The following KIAA0930 variants were observed in gnomAD, a reference collection of about 807,000 sequenced individuals.
KIAA0930 encodes uncharacterized protein KIAA0930.
KIAA0930 carries 24 observed loss-of-function variants against 43.9 expected under a neutral mutation model. The observed-to-expected ratio is 0.55, with a 90% CI of 0.40 to 0.77. The LOEUF is 0.77. KIAA0930 is among the 30% of genes least tolerant of loss of function. The pLI is 0.00. For synonymous variants in KIAA0930, 259 were observed against 216.4 expected (o/e 1.20, Z -1.73); for missense variants, 461 against 574.2 (o/e 0.80, Z 2.02).
At chr22:45,216,832 TG>T (rs1302114305) in intron 1 of KIAA0930, among the ~76,000 whole-genome samples, 8 of 152,162 alleles carry the variant, frequency 5.3e-5, no homozygotes, top group Non-Finnish European at 7.4e-5. Context: ...AGGCTTACGG[TG>T]GTAGCACCTC....
chr22:45,211,864 G>T, intron 2 of KIAA0930, 92 bp downstream of exon 2: 2 of 1,260,598 alleles, frequency 1.6e-6, no homozygotes, highest in Non-Finnish European at 2.2e-6. Context: ...ATATGCATGA[G>T]CACTGTAGGA....
At chr22:45,233,678 C>T (rs1018559078) in intron 1 of KIAA0930, among the ~76,000 whole-genome samples, 10 of 152,086 alleles carry the variant, frequency 6.6e-5, no homozygotes, top group Admixed American at 6.6e-4. Context: ...GCAGGACAGC[C>T]GGGTTTGGGT....
chr22:45,209,484 G>A (rs1006730837), intron 2 of KIAA0930, among the ~76,000 whole-genome samples: 2 of 152,156 alleles, frequency 1.3e-5, no homozygotes, highest in African/African-American at 4.8e-5. Context: ...CAGGTCCCAT[G>A]TGGCACTCGT....
intron 8 of KIAA0930, among the ~76,000 whole-genome samples, chr22:45,199,522 C>CGTGT (rs889645480): frequency 7.9e-5 from 12 of 152,194 alleles, no homozygotes; most frequent in Non-Finnish European, 1.5e-4. Flanking sequence ...CGCCACACCC[C>CGTGT]GTGTGTGCGG....
intron 1 of KIAA0930, 41 bp from the exon 2 acceptor site, chr22:45,212,148 C>T (rs761665794): frequency 3.1e-6 from 5 of 1,613,734 alleles, no homozygotes; most frequent in Non-Finnish European, 4.2e-6. Flanking sequence ...AGGACGGCCA[C>T]CCTGGCCCTT....
At chr22:45,216,960 A>C (rs2083736903) in intron 1 of KIAA0930, among the ~76,000 whole-genome samples, 1 of 152,238 alleles carries the variant, frequency 6.6e-6, no homozygotes, top group Non-Finnish European at 1.5e-5. Context: ...ATTAGTCAGT[A>C]CCGACCCACT....
At chr22:45,207,466 G>A in intron 2 of KIAA0930, 1 of 151,248 alleles carries the variant, frequency 6.6e-6, no homozygotes, top group Non-Finnish European at 1.5e-5. Context: ...GGGATTATAG[G>A]CGTCTGCCAC....
chr22:45,222,896 A>G (rs562495642), intron 1 of KIAA0930, among the ~76,000 whole-genome samples: 1 of 152,348 alleles, frequency 6.6e-6, no homozygotes, highest in South Asian at 2.1e-4. Flanking sequence ...TTTTCCATCT[A>G]TCAGGTTTGC....
At chr22:45,220,597 G>T (rs4823452) in intron 1 of KIAA0930, among the ~76,000 whole-genome samples, 63,373 of 152,042 alleles carry the variant, frequency 0.42, 13,533 homozygotes, top group South Asian at 0.59. Flanking sequence ...ATTATTTTAT[G>T]TTGGGACAGG....
chr22:45,227,231 C>G (rs1043752542), intron 1 of KIAA0930, among the ~76,000 whole-genome samples: 5 of 152,232 alleles, frequency 3.3e-5, no homozygotes, highest in Admixed American at 2.0e-4. Context: ...CTGGGCCCTT[C>G]TGCGGCTCTG....
chr22:45,197,316 C>A, intron 9 of KIAA0930, 100 bp from the exon 10 acceptor site: 1 of 1,021,632 alleles, frequency 9.8e-7, no homozygotes, highest in Non-Finnish European at 1.4e-6. Context: ...CCGCCTCAGC[C>A]ACTCATGCAT....
intron 1 of KIAA0930, among the ~76,000 whole-genome samples, chr22:45,227,293 C>T (rs2083808080): frequency 1.3e-5 from 2 of 152,298 alleles, no homozygotes; most frequent in South Asian, 2.1e-4. Context: ...CCGCAGGCAA[C>T]GTCCTTGGAA....
intron 2 of KIAA0930, among the ~76,000 whole-genome samples, chr22:45,208,634 G>A (rs540848150): frequency 6.8e-4 from 104 of 152,156 alleles, no homozygotes; most frequent in Non-Finnish European, 1.2e-3. Flanking sequence ...AAGGGGCCTC[G>A]GTGTTCTCAT....
At chr22:45,205,769 A>AGGGGC in intron 3 of KIAA0930, 24 bp downstream of exon 3, 1 of 1,546,024 alleles carries the variant, frequency 6.5e-7, no homozygotes, top group Non-Finnish European at 8.9e-7. Context: ...GCCAATCCGC[A>AGGGGC]GCCCCACCCA....
rs189239632 is a variant in KIAA0930, at chr22:45,240,477, G to A, written c.64+163C>T. Among the ~76,000 whole-genome samples, 765 of 152,148 alleles carry A rather than the reference G, an allele frequency of 5.0e-3. 6 individuals are homozygous for A. The highest frequency in any genetic ancestry group is 0.018 in the African/African-American group (727 of 41,530). On this transcript the variant is annotated intron_variant, in intron 1 of 9. Coordinates refer to ENST00000336156, the MANE Select transcript of KIAA0930 (RefSeq NM_001009880.2). ...ACAGACCCAGATGCAGGGACGGTGG[G>A]GGGGGGGCCATGGAGGAAGACAGGG... is the stretch of plus-strand genomic sequence containing the variant.
intron 1 of KIAA0930, among the ~76,000 whole-genome samples, chr22:45,233,876 G>C (rs1036419753): frequency 3.9e-5 from 6 of 152,230 alleles, no homozygotes; most frequent in African/African-American, 1.4e-4. Context: ...GCTTGGCCCT[G>C]CCTAGCCCAG....
rs775652608 is a variant in KIAA0930 at position 45,197,224 on chromosome 22, C to T, written c.1175-8G>A. 3.2e-6 allele frequency: 5 copies of T among 1,549,874 alleles called. 1 individual carries two copies. Among genetic ancestry groups the T allele is most frequent in the East Asian group, 4.9e-5 (2 of 40,840 alleles). ...GCCGAACTTCCAGGATGTCTAGGGC[C>T]GGCAGGAGGGAAGCAGGTGAAACAG... is the stretch of plus-strand genomic sequence containing the variant. On this transcript the variant is annotated splice_polypyrimidine_tract_variant and splice_region_variant and intron_variant, in intron 9 of 9. Transcript: ENST00000336156.
At chr22:45,210,936 C>A (rs2083688188) in intron 2 of KIAA0930, among the ~76,000 whole-genome samples, 1 of 152,222 alleles carries the variant, frequency 6.6e-6, no homozygotes, top group Non-Finnish European at 1.5e-5. Context: ...GACCTCCCCT[C>A]TTGGGGTGCC....
chr22:45,217,024 G>C (rs903509753), intron 1 of KIAA0930, among the ~76,000 whole-genome samples: 3 of 152,170 alleles, frequency 2.0e-5, no homozygotes, highest in African/African-American at 7.2e-5. Context: ...TTCAGCAACT[G>C]ATCAATTCAT....
Sources: allele counts gnomAD v4.1 joint callset (sites outside exome capture counted in the v4.1 genomes callset), GRCh38; gene constraint gnomAD v4.1.1; transcripts MANE v1.5; gene names NCBI Gene and HGNC (gene_info 2026-07-23, HGNC 2026-07-21).